Variants in ARHGAP6 observed in about 807,000 individuals in gnomAD.
ARHGAP6 encodes the protein Rho GTPase activating protein 6.
ARHGAP6 carries 16 observed loss-of-function variants against 55.7 expected under a neutral mutation model. The observed-to-expected ratio is 0.29, with a 90% confidence interval of 0.19 to 0.44. The LOEUF (loss-of-function observed/expected upper bound fraction) is 0.44. Among genes scored for constraint, ARHGAP6 ranks in the 20% least tolerant of loss-of-function variants. The pLI is 1.00. For missense variants in ARHGAP6, 698 were observed against 808.9 expected (o/e 0.86, Z 1.66); for synonymous variants, 382 against 360.9 (o/e 1.06, Z -0.66).
intron 1 of ARHGAP6, among the ~76,000 whole-genome samples, chrX:11,362,867 G>A (rs995777360): frequency 4.5e-5 from 5 of 110,465 alleles, no homozygotes; most frequent in African/African-American, 9.9e-5. Flanking sequence ...TTTGTTTATC[G>A]GTCACATAGA....
chrX:11,446,657 T>C (rs1241221220), intron 1 of ARHGAP6, among the ~76,000 whole-genome samples: 1 of 111,839 alleles, frequency 8.9e-6, no homozygotes, highest in African/African-American at 3.3e-5. Context: ...TAAAAAAACC[T>C]CTGGGCCCTG....
At chrX:11,645,401 G>A (rs1394108473) in intron 1 of ARHGAP6, among the ~76,000 whole-genome samples, 9 of 111,198 alleles carry the variant, frequency 8.1e-5, no homozygotes, top group Non-Finnish European at 9.4e-5. Flanking sequence ...TGGGGGAAAC[G>A]TTACTTCATT....
At chrX:11,573,321 C>T (rs1164068058) in intron 1 of ARHGAP6, among the ~76,000 whole-genome samples, 2 of 109,217 alleles carry the variant, frequency 1.8e-5, no homozygotes, top group East Asian at 2.8e-4. Context: ...GGTTTTAGGT[C>T]TAACGTTTAA....
At chrX:11,314,566 A>G (rs774238100) in intron 1 of ARHGAP6, among the ~76,000 whole-genome samples, 30 of 112,619 alleles carry the variant, frequency 2.7e-4, no homozygotes, top group South Asian at 1.5e-3. Context: ...AAGGGAAAAC[A>G]TTTTGCTAAG....
At chrX:11,359,917 A>G (rs1201783390) in intron 1 of ARHGAP6, among the ~76,000 whole-genome samples, 5 of 112,104 alleles carry the variant, frequency 4.5e-5, no homozygotes, top group African/African-American at 1.6e-4. Flanking sequence ...AGAAATCGAT[A>G]AATTCCTCAA....
Position 11,641,546 on chromosome X carries a change from G to A in ARHGAP6, c.588+22695C>T, listed in dbSNP as rs1485757383. The stretch of plus-strand genomic sequence containing the variant: ...AGGTCGCATCACACATTAACAGCTC[G>A]GTCAAGTTAGCAGATGATGCAATAA... On this transcript the variant is annotated intron_variant, in intron 1 of 12. Transcript: ENST00000337414. Among the ~76,000 whole-genome samples the A allele has an allele frequency of 2.7e-5, 3 of 111,264 alleles. No homozygotes were observed. The Admixed American group carries it at 2.9e-4, about 11-fold the overall frequency.
Position 11,428,805 on chromosome X carries a change from C to T in ARHGAP6, c.589-174098G>A, listed in dbSNP as rs184407464. Among the ~76,000 whole-genome samples, 438 of 111,954 alleles carry T rather than the reference C, an allele frequency of 3.9e-3. 2 individuals carry two copies. Among genetic ancestry groups the T allele is most frequent in the Non-Finnish European group, 6.8e-3 (360 of 53,162 alleles). On this transcript the variant is annotated intron_variant, in intron 1 of 12. Coordinates refer to ENST00000337414, the MANE Select transcript of ARHGAP6 (RefSeq NM_013427.3). ...TCCACTGGCATGTAATATTTTAAAA[C>T]AATCACAGCATAATTATAATTAGCA...
chrX:11,175,033 G>A (rs2046192981), intron 8 of ARHGAP6, among the ~76,000 whole-genome samples: 1 of 111,216 alleles, frequency 9.0e-6, no homozygotes, highest in African/African-American at 3.3e-5. Context: ...AATAGGAATT[G>A]CTGTTGTCCA....
chrX:11,363,565 C>T (rs1858124773), intron 1 of ARHGAP6, among the ~76,000 whole-genome samples: 1 of 111,781 alleles, frequency 8.9e-6, no homozygotes, highest in African/African-American at 3.3e-5. Context: ...GTAGAGGTAA[C>T]TGCTCACATT....
intron 1 of ARHGAP6, among the ~76,000 whole-genome samples, chrX:11,299,496 C>T (rs188870538): frequency 7.2e-5 from 8 of 111,864 alleles, no homozygotes; most frequent in African/African-American, 9.7e-5. Flanking sequence ...AACTTGGAGG[C>T]GGCTAAACTA....
intron 8 of ARHGAP6, among the ~76,000 whole-genome samples, chrX:11,174,570 C>T (rs1179193720): frequency 0.01 from 676 of 65,293 alleles, 21 homozygotes; most frequent in African/African-American, 0.02. Flanking sequence ...TCCTTCCTTC[C>T]TTCCTTTCTT....
chrX:11,258,635 A>G (rs1183507065), intron 1 of ARHGAP6, among the ~76,000 whole-genome samples: 1 of 111,946 alleles, frequency 8.9e-6, no homozygotes, highest in Non-Finnish European at 1.9e-5. Flanking sequence ...ACAAATGACT[A>G]CAGTTAGCAT....
chrX:11,574,703 A>G (rs1321159393), intron 1 of ARHGAP6, among the ~76,000 whole-genome samples: 2 of 109,257 alleles, frequency 1.8e-5, no homozygotes, highest in Non-Finnish European at 3.8e-5. Flanking sequence ...CCTATTCAAC[A>G]TAGTGTTGGA....
intron 1 of ARHGAP6, among the ~76,000 whole-genome samples, chrX:11,445,005 T>G (rs2050078922): frequency 8.9e-6 from 1 of 112,448 alleles, no homozygotes; most frequent in Admixed American, 9.4e-5. Flanking sequence ...TGCAAAGCAC[T>G]TTTCCAAGCA....
chrX:11,433,013 GA>G (rs2049955025), intron 1 of ARHGAP6, among the ~76,000 whole-genome samples: 1 of 112,526 alleles, frequency 8.9e-6, no homozygotes, highest in Non-Finnish European at 1.9e-5. Context: ...GGAGATAGAA[GA>G]AATCTAAGGA....
intron 1 of ARHGAP6, among the ~76,000 whole-genome samples, chrX:11,361,645 T>C (rs1404467199): frequency 9.1e-6 from 1 of 109,944 alleles, no homozygotes; most frequent in Non-Finnish European, 1.9e-5. Flanking sequence ...AAAGCCAAAA[T>C]TGACAAATGG....
At chrX:11,562,825 G>A (rs1201111675) in intron 1 of ARHGAP6, among the ~76,000 whole-genome samples, 8 of 111,934 alleles carry the variant, frequency 7.1e-5, no homozygotes, top group South Asian at 3.7e-4. Flanking sequence ...TTGAGAATAA[G>A]CAAATCAAAT....
chrX:11,664,657 G>A lies in ARHGAP6; in HGVS notation c.172C>T (p.Arg58Trp). ...SDEAGAEGSA[R>W]GATAGRLYSP... ...TAGAGGCGGCCCGCCGTGGCTCCCC[G>A]CGCACTGCCCTCCGCGCCCGCCTCG... Residue 58 changes from arginine (R) to tryptophan (W), a missense_variant, in exon 1 of 13, where the codon CGG (arginine) becomes TGG (tryptophan). By Grantham distance (101) the Arg-to-Trp change is moderately radical. Transcript: ENST00000337414. The A allele has an allele frequency of 1.7e-6, 2 of 1,161,532 alleles. No homozygotes were observed. The highest frequency in any genetic ancestry group is 2.3e-6 in the Non-Finnish European group (2 of 871,098).
intron 1 of ARHGAP6, chrX:11,294,659 A>G (rs1048067493): frequency 2.5e-6 from 2 of 784,784 alleles, no homozygotes; most frequent in South Asian, 4.3e-5. Context: ...TTCACAAACA[A>G]TGGCTCCATC....
Sources: gnomAD v4.1 joint callset for allele counts (sites outside exome capture counted in the v4.1 genomes callset) on GRCh38, gnomAD v4.1.1 for gene constraint, MANE v1.5 for transcripts, NCBI Gene and HGNC (gene_info 2026-07-23, HGNC 2026-07-21) for gene names.